The following ITGA11 variants were observed in gnomAD, a reference collection of about 807,000 sequenced individuals.
ITGA11 encodes the protein integrin alpha-11.
In ITGA11, 97 loss-of-function variants were observed where a neutral mutation model predicts 141.9. The observed-to-expected ratio is 0.68, with a 90% CI of 0.58 to 0.81. The LOEUF (loss-of-function observed/expected upper bound fraction) is 0.81. Ranked by LOEUF, ITGA11 falls within the 30% of genes least tolerant of loss-of-function variation. The pLI is 0.00. For synonymous variants in ITGA11, 658 were observed against 624.6 expected, an observed-to-expected ratio of 1.05 and a Z score of -0.80; for missense variants, 1,387 against 1,559.2, an observed-to-expected ratio of 0.89 and a Z score of 1.86.
chr15:68,413,539 T>C (rs1896823927), intron 1 of ITGA11, among the ~76,000 whole-genome samples: 1 of 152,166 alleles, frequency 6.6e-6, no homozygotes, highest in Non-Finnish European at 1.5e-5. Flanking sequence ...AGGAGAAGTT[T>C]GGACTAGGGT....
At chr15:68,371,523 G>C (rs1895588539) in intron 2 of ITGA11, among the ~76,000 whole-genome samples, 1 of 152,076 alleles carries the variant, frequency 6.6e-6, no homozygotes, top group African/African-American at 2.4e-5. Flanking sequence ...GACCAGCCTG[G>C]CCAACATGGT....
At chr15:68,378,275 C>CT (rs1895777335) in intron 2 of ITGA11, among the ~76,000 whole-genome samples, 1 of 54,792 alleles carries the variant, frequency 1.8e-5, no homozygotes, top group Non-Finnish European at 3.8e-5. Flanking sequence ...AGTGTTATAC[C>CT]GTTCTCCTGT....
intron 3 of ITGA11, among the ~76,000 whole-genome samples, chr15:68,366,910 C>A (rs1380346072): frequency 6.6e-6 from 1 of 152,190 alleles, no homozygotes; most frequent in Non-Finnish European, 1.5e-5. Flanking sequence ...ACCCACTTAG[C>A]CTTCCCTGGA....
intron 11 of ITGA11, among the ~76,000 whole-genome samples, chr15:68,338,640 A>G (rs979007210): frequency 6.6e-6 from 1 of 152,222 alleles, no homozygotes; most frequent in East Asian, 1.9e-4. Flanking sequence ...GGGCAGAGTC[A>G]TAGGCAGGGT....
At chr15:68,317,237 C>T in intron 21 of ITGA11, 28 bp downstream of exon 21, 1 of 1,517,674 alleles carries the variant, frequency 6.6e-7, no homozygotes, top group Non-Finnish European at 9.2e-7. Flanking sequence ...CCACCCTGAC[C>T]CTCCCCCACA....
rs1894331223 is a variant in ITGA11, at chr15:68,335,736, G to A, written c.1386C>T (p.Asn462=). 4 of 1,613,784 alleles carry A rather than the reference G, an allele frequency of 2.5e-6. No individual in the cohort carries two copies. Among genetic ancestry groups the A allele is most frequent in the East Asian group, 4.5e-5 (2 of 44,900 alleles). The change falls in exon 12 of 30, where the codon AAC becomes AAT. Residue 462 remains asparagine, a synonymous_variant. Transcript: ENST00000315757. This position sits in a 1 kb window ranked among gnomAD's most constrained non-coding sequence, Gnocchi z 4.9. Reference sequence around the variant, plus strand: ...TAGCCTGGTGGATGGTGAGGCTCCGGTTGTTGTGCATGGTGAACAGGATGA... The same window carrying A: ...TAGCCTGGTGGATGGTGAGGCTCCGATTGTTGTGCATGGTGAACAGGATGA... ...GKVILFTMHN[N]RSLTIHQAMR...
Position 68,325,203 on chromosome 15 carries a change from G to A in ITGA11, c.2250C>T (p.Val750=), listed in dbSNP as rs111998611. 13 of 1,613,938 alleles carry A rather than the reference G, an allele frequency of 8.1e-6. No homozygotes were observed. The highest frequency in any genetic ancestry group is 4.5e-5 in the East Asian group (2 of 44,882). ...ADYVKPVTFS[V]EYSLEDPDHG... is the part of the protein sequence containing the mutation. The stretch of plus-strand genomic sequence containing the variant: ...GGTCAGGGTCCTCCAGGGAATACTC[G>A]ACTGAGAAGGTCACTGGCTTCACGT... Residue 750 remains valine, a synonymous_variant, in exon 18 of 30, where the codon GTC becomes GTT. Coordinates refer to ENST00000315757, the MANE Select transcript of ITGA11 (RefSeq NM_001004439.2). This position sits in a 1 kb window ranked among gnomAD's most constrained non-coding sequence, Gnocchi z 5.5.
chr15:68,401,150 C>T lies in ITGA11; in HGVS notation c.164+1768G>A, dbSNP rs1896499327. Among the ~76,000 whole-genome samples, 3 of 150,650 alleles carry T rather than the reference C, an allele frequency of 2.0e-5. 1 individual carries two copies. The highest frequency in any genetic ancestry group is 4.2e-4 in the South Asian group (2 of 4,804). ...AATAGAGAAATGCAAATTAAACCCA[C>T]CATGAGATACCACCACACACAACTA... On this transcript the variant is annotated intron_variant, in intron 2 of 29. Coordinates refer to ENST00000315757, the MANE Select transcript of ITGA11 (RefSeq NM_001004439.2).
At chr15:68,357,939 T>C (rs1245833419) in intron 6 of ITGA11, among the ~76,000 whole-genome samples, 1 of 152,210 alleles carries the variant, frequency 6.6e-6, no homozygotes, top group Non-Finnish European at 1.5e-5. Flanking sequence ...TTAACAGCCC[T>C]AATCGTTACA....
At chr15:68,345,714 G>A (rs910297261) in intron 10 of ITGA11, among the ~76,000 whole-genome samples, 1 of 152,196 alleles carries the variant, frequency 6.6e-6, no homozygotes, top group African/African-American at 2.4e-5. Context: ...GGAAGCCTGG[G>A]GGCTTGCCTG....
At chr15:68,316,586 C>T (rs1893585387) in intron 21 of ITGA11, among the ~76,000 whole-genome samples, 1 of 152,200 alleles carries the variant, frequency 6.6e-6, no homozygotes, top group East Asian at 1.9e-4. Context: ...CAGGGAGGTG[C>T]TTTGCTAAGG....
intron 1 of ITGA11, among the ~76,000 whole-genome samples, chr15:68,418,248 C>A (rs1043223448): frequency 1.3e-5 from 2 of 152,194 alleles, no homozygotes; most frequent in African/African-American, 4.8e-5. Context: ...GATCTATATA[C>A]ATTTGTTAAA....
intron 1 of ITGA11, among the ~76,000 whole-genome samples, chr15:68,405,626 G>A (rs551974443): frequency 1.4e-4 from 21 of 152,224 alleles, no homozygotes; most frequent in African/African-American, 4.1e-4. Flanking sequence ...ACTCTGTTCC[G>A]GTGAGCACAG....
At chr15:68,410,450 G>A (rs1195694402) in intron 1 of ITGA11, among the ~76,000 whole-genome samples, 2 of 152,232 alleles carry the variant, frequency 1.3e-5, no homozygotes, top group Non-Finnish European at 1.5e-5. Flanking sequence ...AAATCACAGA[G>A]AGGGAGAGGA....
chr15:68,350,382 G>A (rs939933293), intron 9 of ITGA11, among the ~76,000 whole-genome samples: 23 of 152,030 alleles, frequency 1.5e-4, no homozygotes, highest in African/African-American at 2.4e-5. Context: ...AAGAGACGAG[G>A]TTTTGCCTTG....
At chr15:68,384,037 G>A (rs948989913) in intron 2 of ITGA11, among the ~76,000 whole-genome samples, 1 of 152,002 alleles carries the variant, frequency 6.6e-6, no homozygotes, top group Non-Finnish European at 1.5e-5. Flanking sequence ...TTTCACTACC[G>A]AGATTGTGCG....
In ITGA11 at chr15:68,303,966, G is replaced by A; in HGVS notation, c.3382-81C>T. The A allele has an allele frequency of 1.2e-6, 1 of 836,426 alleles. No homozygotes were observed. The highest frequency in any genetic ancestry group is 2.0e-6 in the Non-Finnish European group (1 of 500,664). 51.8% of individuals were successfully genotyped at this position (836,426 alleles called of 1,614,324 possible). A position where few individuals can be genotyped will look rare whatever the true frequency, so the allele number is the denominator to read the frequency against. On this transcript the variant is annotated intron_variant, in intron 28 of 29. Coordinates refer to ENST00000315757, the MANE Select transcript of ITGA11 (RefSeq NM_001004439.2). The surrounding 1 kb of genome is among the most constrained non-coding windows in gnomAD (Gnocchi z 5.3). ...AGTCTGGGAGGGGCAGGAGGGTGGAGACAGCTGGCACCTGGTGGGGGAGCT... is the reference window on the plus strand; with the variant it reads ...AGTCTGGGAGGGGCAGGAGGGTGGAAACAGCTGGCACCTGGTGGGGGAGCT...
intron 20 of ITGA11, 83 bp from the exon 21 acceptor site, chr15:68,317,446 AC>A: frequency 1.1e-6 from 1 of 951,474 alleles, no homozygotes; most frequent in Non-Finnish European, 1.7e-6. Context: ...CCCAGCCTGC[AC>A]CCCACTCTGC....
At chr15:68,358,874 G>A (rs184259386) in intron 5 of ITGA11, among the ~76,000 whole-genome samples, 28 of 152,348 alleles carry the variant, frequency 1.8e-4, no homozygotes, top group African/African-American at 5.5e-4. Context: ...CAACGCTTCC[G>A]AGGCAGCCAG....
Sources: allele counts gnomAD v4.1 joint callset (sites outside exome capture counted in the v4.1 genomes callset), GRCh38; gene constraint gnomAD v4.1.1; non-coding constraint Gnocchi (gnomAD v3.1); transcripts MANE v1.5; gene names NCBI Gene and HGNC (gene_info 2026-07-23, HGNC 2026-07-21).